Variants in RNMT observed in about 807,000 individuals in gnomAD.
RNMT encodes mRNA cap guanine-N(7) methyltransferase.
In RNMT, 27 loss-of-function variants were observed where a neutral mutation model predicts 56.0. The ratio of observed to expected loss-of-function variants is 0.48; its 90% CI spans 0.36 to 0.67. The LOEUF (loss-of-function observed/expected upper bound fraction) is 0.67, where lower values mean the gene tolerates loss of function less well. RNMT is among the 30% of genes least tolerant of loss of function. RNMT has a pLI of 0.00. For synonymous variants in RNMT, 184 were observed against 176.2 expected, an observed-to-expected ratio of 1.04 and a Z score of -0.35; for missense variants, 519 against 552.1, an observed-to-expected ratio of 0.94 and a Z score of 0.60.
chr18:13,749,998 G>C (rs941378667), intron 9 of RNMT, among the ~76,000 whole-genome samples: 2 of 152,128 alleles, frequency 1.3e-5, no homozygotes, highest in African/African-American at 4.8e-5. Flanking sequence ...GAGCTCAAGT[G>C]ATCTGCCTTC....
intron 3 of RNMT, among the ~76,000 whole-genome samples, chr18:13,732,762 T>TTTG (rs142277511): frequency 3.0e-5 from 3 of 98,686 alleles, no homozygotes; most frequent in South Asian, 3.8e-4. Context: ...TTTTTTTTTT[T>TTTG]GGAGACAGAG....
chr18:13,734,471 A>G lies in RNMT; in HGVS notation c.425A>G (p.Glu142Gly). 6.2e-7 allele frequency: 1 copy of G among 1,602,294 alleles called. No individual in the cohort carries two copies. Among genetic ancestry groups the G allele is most frequent in the Non-Finnish European group, 8.5e-7 (1 of 1,176,620 alleles). The change falls in exon 4 of 12, where the codon GAA becomes GGA. Residue 142 changes from glutamate to glycine, a missense_variant. Glu to Gly is a moderately conservative substitution (Grantham distance 98). Coordinates refer to ENST00000383314, the MANE Select transcript of RNMT (RefSeq NM_003799.3). ...EDVPEKQKNL[E>G]EGHSSTVAAH... Reference sequence around the variant, plus strand: ...ATTCTCTTTTATTTTCAGAATCTGGAAGAAGGACACAGCTCAACAGTGGCT... The same window carrying G: ...ATTCTCTTTTATTTTCAGAATCTGGGAGAAGGACACAGCTCAACAGTGGCT...
intron 3 of RNMT, among the ~76,000 whole-genome samples, chr18:13,732,762 T>TTTA (rs142277511): frequency 1.0e-5 from 1 of 98,690 alleles, no homozygotes; most frequent in Non-Finnish European, 1.9e-5. Flanking sequence ...TTTTTTTTTT[T>TTTA]GGAGACAGAG....
chr18:13,742,476 T>C lies in RNMT; in HGVS notation c.975-12T>C. The C allele has an allele frequency of 1.9e-6, 3 of 1,611,100 alleles. No homozygotes were observed. The highest frequency in any genetic ancestry group is 2.5e-6 in the Non-Finnish European group (3 of 1,178,854). ...TAATCTTTTTATTTTGGTTGGGGGA[T>C]AACCTTGATAGAAGACGCCTTGAAG... On this transcript the variant is annotated splice_polypyrimidine_tract_variant and intron_variant, in intron 7 of 11. Coordinates refer to ENST00000383314, the MANE Select transcript of RNMT (RefSeq NM_003799.3).
chr18:13,727,633 C>G (rs756239591), intron 1 of RNMT, among the ~76,000 whole-genome samples: 1 of 152,312 alleles, frequency 6.6e-6, no homozygotes. Flanking sequence ...CTATTTTGAA[C>G]TACACAATAA....
At chr18:13,731,279 G>T (rs1288858660) in intron 2 of RNMT, among the ~76,000 whole-genome samples, 197 bp from the exon 3 acceptor site, 2 of 152,000 alleles carry the variant, frequency 1.3e-5, no homozygotes, top group Non-Finnish European at 2.9e-5. Flanking sequence ...GTGGTGGCAG[G>T]TGCCTGTAAT....
chr18:13,759,916 T>G (rs573848847), intron 11 of RNMT, 26 bp from the exon 12 acceptor site: 1 of 1,571,902 alleles, frequency 6.4e-7, no homozygotes, highest in Admixed American at 1.7e-5. Flanking sequence ...TATGAGAAAC[T>G]GAACTCTTAT....
At position 13,763,448 on chromosome 18, in the gene RNMT, T is replaced by G. The variant is rs563975019; in HGVS notation, c.*3469T>G. On this transcript the variant is annotated 3_prime_UTR_variant, in exon 12 of 12. Transcript: ENST00000383314. Reference sequence around the variant, plus strand: ...GGAAGCACAGGACATCCAAGGGTACTCTCCAGTTTGGCTGTGGAGACTTGA... The same window carrying G: ...GGAAGCACAGGACATCCAAGGGTACGCTCCAGTTTGGCTGTGGAGACTTGA... The G allele has an allele frequency of 4.9e-6, 1 of 204,756 alleles. No homozygotes were observed. Among genetic ancestry groups the G allele is most frequent in the Non-Finnish European group, 1.0e-5 (1 of 97,162 alleles). The allele number at this position is 204,756 out of a possible 1,614,324, so 12.7% of individuals were successfully genotyped here. A position where few individuals can be genotyped will look rare whatever the true frequency, so the allele number is the denominator to read the frequency against.
chr18:13,753,816 T>TACACAC (rs3138630), intron 10 of RNMT, among the ~76,000 whole-genome samples: 8,893 of 144,414 alleles, frequency 0.062, 325 homozygotes, highest in African/African-American at 0.089. Flanking sequence ...ATTTTCCAGT[T>TACACAC]ACACACACAC....
intron 9 of RNMT, among the ~76,000 whole-genome samples, chr18:13,750,953 T>TA (rs1568511344): frequency 6.6e-6 from 1 of 152,130 alleles, no homozygotes; most frequent in African/African-American, 2.4e-5. Context: ...ACACTTTATA[T>TA]AAAAATTAAC....
chr18:13,760,694 CT>C lies in RNMT; in HGVS notation c.*718del. The C allele has an allele frequency of 3.0e-6, 3 of 985,218 alleles. No homozygotes were observed. The highest frequency in any genetic ancestry group is 3.6e-6 in the Non-Finnish European group (3 of 829,782). The allele number at this position is 985,218 out of a possible 1,614,324, so 61.0% of individuals were successfully genotyped here. A position where few individuals can be genotyped will look rare whatever the true frequency, so the allele number is the denominator to read the frequency against. The stretch of plus-strand genomic sequence containing the variant: ...CAAGATTGTGATTAGACACATTTAC[CT>C]TTCTTCATTGAACAAATGGTGCCAT... On this transcript the variant is annotated 3_prime_UTR_variant, in exon 12 of 12. Coordinates refer to ENST00000383314, the MANE Select transcript of RNMT (RefSeq NM_003799.3).
intron 9 of RNMT, among the ~76,000 whole-genome samples, chr18:13,747,543 C>T (rs1289338557): frequency 1.3e-5 from 2 of 152,114 alleles, no homozygotes; most frequent in African/African-American, 4.8e-5. Context: ...TTTTAGTGGG[C>T]AGCCTGAGGC....
intron 3 of RNMT, among the ~76,000 whole-genome samples, chr18:13,732,798 T>C (rs1483364542): frequency 1.5e-5 from 2 of 129,702 alleles, no homozygotes; most frequent in Non-Finnish European, 3.1e-5. Flanking sequence ...TAGGCTAGAG[T>C]GCAGTGGTGT....
Position 13,740,248 on chromosome 18 carries a change from G to T in RNMT, c.761G>T (p.Ser254Ile), listed in dbSNP as rs751084319. The T allele has an allele frequency of 6.2e-7, 1 of 1,603,556 alleles. No homozygotes were observed. The highest frequency in any genetic ancestry group is 1.1e-5 in the South Asian group (1 of 90,800). The change falls in exon 6 of 12, where the codon AGT (serine) becomes ATT (isoleucine). Residue 254 changes from serine (S) to isoleucine (I), a missense_variant. Coordinates refer to ENST00000383314, the MANE Select transcript of RNMT (RefSeq NM_003799.3). ...CGTCGTGATAGTGAATATATTTTCA[G>T]TGCAGAATTTATAACTGCTGACAGC... ...KNRRDSEYIF[S>I]AEFITADSSK...
intron 9 of RNMT, among the ~76,000 whole-genome samples, chr18:13,749,339 GTTCT>G (rs2044402977): frequency 6.6e-6 from 1 of 152,212 alleles, no homozygotes; most frequent in African/African-American, 2.4e-5. Context: ...TTGGTAATCT[GTTCT>G]TTCTTAGAGC....
At chr18:13,732,110 TCTC>T (rs1257869252) in intron 3 of RNMT, among the ~76,000 whole-genome samples, 176 bp downstream of exon 3, 1 of 152,252 alleles carries the variant, frequency 6.6e-6, no homozygotes, top group Admixed American at 6.5e-5. Context: ...AGGTGAAACA[TCTC>T]CTGCTAATGA....
intron 9 of RNMT, among the ~76,000 whole-genome samples, chr18:13,746,793 C>T (rs572478010): frequency 6.6e-6 from 1 of 152,340 alleles, no homozygotes; most frequent in East Asian, 1.9e-4. Flanking sequence ...CAGTTCTTTA[C>T]AACAGTGCCT....
At position 13,762,313 on chromosome 18, in the gene RNMT, C is replaced by T; in HGVS notation, c.*2334C>T. The T allele has an allele frequency of 2.2e-6, 2 of 891,706 alleles. No individual in the cohort carries two copies. Among genetic ancestry groups the T allele is most frequent in the Non-Finnish European group, 3.3e-6 (2 of 605,898 alleles). 55.2% of individuals were successfully genotyped at this position (891,706 alleles called of 1,614,324 possible). A position where few individuals can be genotyped will look rare whatever the true frequency, so the allele number is the denominator to read the frequency against. On this transcript the variant is annotated 3_prime_UTR_variant, in exon 12 of 12. Transcript: ENST00000383314. ...GGCCTAGAATATACTTGAGAAAGCACTAGTGGCTTGTGTTCAGGGAGAGGA... is the reference window on the plus strand; with the variant it reads ...GGCCTAGAATATACTTGAGAAAGCATTAGTGGCTTGTGTTCAGGGAGAGGA...
At chr18:13,747,253 G>A (rs971897579) in intron 9 of RNMT, among the ~76,000 whole-genome samples, 8 of 145,174 alleles carry the variant, frequency 5.5e-5, no homozygotes, top group African/African-American at 1.8e-4. Flanking sequence ...ACAGGATCTC[G>A]CTCTGTTGCC....
Sources: gnomAD v4.1 joint callset for allele counts (sites outside exome capture counted in the v4.1 genomes callset) on GRCh38, gnomAD v4.1.1 for gene constraint, MANE v1.5 for transcripts, NCBI Gene and HGNC (gene_info 2026-07-23, HGNC 2026-07-21) for gene names.